MAPDA: variants seen among roughly 807,000 people sequenced by gnomAD.
MAPDA encodes the protein N6,N6-dimethyl-AMP deaminase.
chr15:43,351,647 GA>G, the MAPDA span: 2 of 1,131,654 alleles, frequency 1.8e-6, no homozygotes, highest in Non-Finnish European at 2.4e-6. Context: ...TTAGACTCTT[GA>G]AAGAAGCATA....
At chr15:43,340,167 C>A in the MAPDA span, 1 of 1,063,088 alleles carries the variant, frequency 9.4e-7, no homozygotes, top group Non-Finnish European at 1.4e-6. Flanking sequence ...ACTTGCAAAT[C>A]AGATTTAATG....
chr15:43,342,080 C>G, the MAPDA span, among the ~76,000 whole-genome samples: 1 of 152,100 alleles, frequency 6.6e-6, no homozygotes, highest in Non-Finnish European at 1.5e-5. Context: ...CTCAGGTGAT[C>G]GGCCCGCCTC....
At chr15:43,343,994 C>A in the MAPDA span, among the ~76,000 whole-genome samples, 2 of 151,786 alleles carry the variant, frequency 1.3e-5, no homozygotes, top group Admixed American at 6.6e-5. Flanking sequence ...TATTACAATA[C>A]TGTTTCAGTA....
the MAPDA span, among the ~76,000 whole-genome samples, chr15:43,350,100 G>A: frequency 2.6e-5 from 4 of 152,078 alleles, no homozygotes; most frequent in East Asian, 5.8e-4. Flanking sequence ...GGACGGAGTC[G>A]CTCTGTCACC....
At chr15:43,347,032 A>G in the MAPDA span, 9 of 1,613,730 alleles carry the variant, frequency 5.6e-6, no homozygotes. Flanking sequence ...CAAGCAAAAG[A>G]CTTCTTGGAA....
the MAPDA span, chr15:43,352,018 G>A: frequency 2.1e-6 from 3 of 1,429,876 alleles, no homozygotes; most frequent in Non-Finnish European, 2.8e-6. Flanking sequence ...TAGTAAAACA[G>A]TCCACCACTC....
chr15:43,338,449 T>C, the MAPDA span, among the ~76,000 whole-genome samples: 1 of 152,352 alleles, frequency 6.6e-6, no homozygotes, highest in South Asian at 2.1e-4. Flanking sequence ...ATTTTTATTG[T>C]TCCCTTTTTG....
the MAPDA span, chr15:43,336,590 A>G: frequency 2.0e-6 from 3 of 1,512,864 alleles, no homozygotes; most frequent in Middle Eastern, 1.7e-4. Flanking sequence ...TTCTTTGATG[A>G]CTAGATTATG....
At chr15:43,336,758 C>G in the MAPDA span, 1 of 1,268,266 alleles carries the variant, frequency 7.9e-7, no homozygotes, top group Non-Finnish European at 1.1e-6. Flanking sequence ...TGCACATGGC[C>G]TTTCATTTTT....
the MAPDA span, chr15:43,335,142 C>T: frequency 1.2e-6 from 2 of 1,613,724 alleles, no homozygotes; most frequent in Non-Finnish European, 1.7e-6. Context: ...CCTTGCAAGA[C>T]AGACTTCTAT....
the MAPDA span, among the ~76,000 whole-genome samples, chr15:43,340,646 A>T: frequency 2.6e-5 from 4 of 152,174 alleles, no homozygotes; most frequent in Non-Finnish European, 5.9e-5. Context: ...CAGCCTCTAA[A>T]AGTGCTGGGA....
At chr15:43,352,288 T>G in the MAPDA span, 1 of 191,504 alleles carries the variant, frequency 5.2e-6, no homozygotes, top group Non-Finnish European at 1.1e-5. Flanking sequence ...TAGTATAAAG[T>G]TAGGAAAGTG....
chr15:43,333,772 A>C, the MAPDA span, among the ~76,000 whole-genome samples: 1 of 152,274 alleles, frequency 6.6e-6, no homozygotes, highest in Admixed American at 6.5e-5. Context: ...CGCTTGTCAC[A>C]TACCTGTTAG....
At chr15:43,348,919 A>C in the MAPDA span, 1 of 1,613,974 alleles carries the variant, frequency 6.2e-7, no homozygotes, top group South Asian at 1.1e-5. Context: ...TCCAAACCAA[A>C]AAAAAGAAAC....
the MAPDA span, chr15:43,351,470 C>G: frequency 2.4e-6 from 1 of 412,380 alleles, no homozygotes; most frequent in Non-Finnish European, 4.3e-6. Flanking sequence ...CCATGAGATT[C>G]TGTTTTATTT....
the MAPDA span, chr15:43,345,987 T>A: frequency 1.2e-6 from 2 of 1,613,792 alleles, no homozygotes; most frequent in Admixed American, 1.7e-5. Flanking sequence ...TACTGTAAGT[T>A]ATTTTTCCTA....
At chr15:43,335,664 A>G in the MAPDA span, 1 of 1,575,826 alleles carries the variant, frequency 6.3e-7, no homozygotes, top group Non-Finnish European at 8.6e-7. Context: ...TCTATTGGAT[A>G]TTTGATAAGT....
the MAPDA span, chr15:43,343,156 A>AT: frequency 1.0e-6 from 1 of 962,242 alleles, no homozygotes; most frequent in Non-Finnish European, 1.5e-6. Context: ...GGTGTAATGG[A>AT]TTTTTTAAAA....
At chr15:43,352,461 A>C in the MAPDA span, 2 of 152,262 alleles carry the variant, frequency 1.3e-5, no homozygotes, top group East Asian at 1.9e-4. Context: ...TGGGAAGCCA[A>C]AGTGGGCAGA....
Sources: gnomAD v4.1 joint callset for allele counts (sites outside exome capture counted in the v4.1 genomes callset) on GRCh38, gnomAD v4.1.1 for gene constraint, MANE v1.5 for transcripts, NCBI Gene and HGNC (gene_info 2026-07-23, HGNC 2026-07-21) for gene names.